The following ADGRV1 variants were observed in gnomAD, a reference collection of about 807,000 sequenced individuals.
ADGRV1 encodes G-protein coupled receptor 98.
Under a neutral mutation model 596.2 loss-of-function variants are expected in ADGRV1, and 359 were observed. That is an observed-to-expected ratio of 0.60 (90% CI 0.55 to 0.66). The LOEUF (loss-of-function observed/expected upper bound fraction) is 0.66. ADGRV1 is among the 30% of genes least tolerant of loss of function. ADGRV1 has a pLI of 0.00. For missense variants in ADGRV1, 7,274 were observed against 7,575.6 expected (o/e 0.96, Z 1.48); for synonymous variants, 2,681 against 2,679.2 (o/e 1.00, Z -0.02).
chr5:90,828,883 C>G, intron 76 of ADGRV1, 61 bp from the exon 77 acceptor site: 1 of 1,090,156 alleles, frequency 9.2e-7, no homozygotes, highest in Non-Finnish European at 1.2e-6. Context: ...AATATCAGAA[C>G]TATCTACAGA....
chr5:90,973,286 G>T (rs1309303752), intron 84 of ADGRV1, among the ~76,000 whole-genome samples: 3 of 152,124 alleles, frequency 2.0e-5, no homozygotes, highest in Non-Finnish European at 2.9e-5. Context: ...AGGAGGAGCT[G>T]GTACCATTCC....
intron 85 of ADGRV1, among the ~76,000 whole-genome samples, chr5:91,060,209 GT>G (rs1787279662): frequency 2.0e-5 from 3 of 151,836 alleles, no homozygotes; most frequent in Admixed American, 2.0e-4. Flanking sequence ...CGGGGCAGCA[GT>G]TTTGGTTCTT....
intron 1 of ADGRV1, among the ~76,000 whole-genome samples, chr5:90,610,321 T>C (rs16868831): frequency 0.012 from 1,881 of 152,020 alleles, 34 homozygotes; most frequent in African/African-American, 0.043. Flanking sequence ...ACAGGAACAA[T>C]AAAGCATCGT....
intron 87 of ADGRV1, among the ~76,000 whole-genome samples, chr5:91,119,406 G>A (rs936657975): frequency 2.0e-5 from 3 of 152,142 alleles, no homozygotes; most frequent in African/African-American, 7.2e-5. Context: ...TGCAGTCCAC[G>A]GGAGTCTTAC....
chr5:91,011,133 T>C (rs1285862384), intron 85 of ADGRV1, among the ~76,000 whole-genome samples: 4 of 151,952 alleles, frequency 2.6e-5, no homozygotes, highest in Non-Finnish European at 5.9e-5. Flanking sequence ...TTTGTATGAT[T>C]GTCTTCATCA....
Position 91,072,457 on chromosome 5 carries a change from C to A in ADGRV1, c.18163C>A (p.Pro6055Thr), listed in dbSNP as rs754053726. The A allele has an allele frequency of 1.2e-6, 2 of 1,613,584 alleles. No individual in the cohort carries two copies. The highest frequency in any genetic ancestry group is 2.2e-5 in the East Asian group (1 of 44,872). Residue 6055 changes from proline to threonine, a missense_variant, in exon 86 of 90, where the codon CCA becomes ACA. By Grantham distance (38) the Pro-to-Thr change is conservative. Transcript: ENST00000405460. Reference protein sequence around the residue: ...GLIHGDLCFIPNVYAALFTAA... With the variant: ...GLIHGDLCFITNVYAALFTAA... ...TCATTTCTCTTCCAGGTGTTTTATT[C>A]CAAACGTCTATGCTGCTTTGTTCAC...
chr5:90,818,684 TG>T (rs1350632272), intron 75 of ADGRV1, among the ~76,000 whole-genome samples: 1 of 149,666 alleles, frequency 6.7e-6, no homozygotes, highest in African/African-American at 2.4e-5. Flanking sequence ...ATGTGGTTTT[TG>T]TCTTTGGCTC....
At chr5:90,724,113 A>G (rs537449172) in intron 45 of ADGRV1, among the ~76,000 whole-genome samples, 6 of 152,182 alleles carry the variant, frequency 3.9e-5, no homozygotes, top group Admixed American at 6.5e-5. Context: ...ACCAAATATC[A>G]TATTTCTATA....
intron 49 of ADGRV1, among the ~76,000 whole-genome samples, chr5:90,729,319 A>G (rs1252009717): frequency 2.0e-5 from 3 of 152,180 alleles, no homozygotes; most frequent in Admixed American, 1.3e-4. Flanking sequence ...CTTTCAGAAT[A>G]TTCTTGGAAG....
chr5:91,095,258 G>T (rs1335934603), intron 86 of ADGRV1, among the ~76,000 whole-genome samples: 1 of 151,788 alleles, frequency 6.6e-6, no homozygotes, highest in African/African-American at 2.4e-5. Flanking sequence ...CTGGAGTGCA[G>T]TGGCACAGTC....
intron 28 of ADGRV1, 60 bp downstream of exon 28, chr5:90,684,255 T>C (rs1200017505): frequency 7.2e-7 from 1 of 1,394,560 alleles, no homozygotes; most frequent in Non-Finnish European, 9.5e-7. Context: ...AAACAATCAG[T>C]TTTAAATTTT....
chr5:90,982,502 A>G (rs1780159386), intron 84 of ADGRV1, among the ~76,000 whole-genome samples: 1 of 152,216 alleles, frequency 6.6e-6, no homozygotes, highest in Non-Finnish European at 1.5e-5. Context: ...AAGAAAAACT[A>G]AGTTAACTAA....
intron 83 of ADGRV1, among the ~76,000 whole-genome samples, chr5:90,886,895 C>T (rs1419327424): frequency 4.6e-5 from 7 of 152,122 alleles, no homozygotes; most frequent in Non-Finnish European, 4.4e-5. Flanking sequence ...GCCATGAGTT[C>T]ATCTCCTTTT....
At chr5:91,159,330 T>C (rs996027568) in intron 89 of ADGRV1, among the ~76,000 whole-genome samples, 5 of 152,194 alleles carry the variant, frequency 3.3e-5, no homozygotes, top group Non-Finnish European at 7.4e-5. Context: ...AATTCTGATG[T>C]GGGCAAGACA....
intron 85 of ADGRV1, among the ~76,000 whole-genome samples, chr5:91,056,858 G>A (rs946714901): frequency 6.6e-6 from 1 of 152,222 alleles, no homozygotes; most frequent in African/African-American, 2.4e-5. Context: ...TTTTGAACTA[G>A]AATAAGAAAA....
At chr5:90,691,750 T>A (rs894092471) in intron 31 of ADGRV1, among the ~76,000 whole-genome samples, 20 of 152,148 alleles carry the variant, frequency 1.3e-4, no homozygotes, top group Admixed American at 1.0e-3. Flanking sequence ...CCAGTCAATC[T>A]TAAGTATTAT....
intron 87 of ADGRV1, among the ~76,000 whole-genome samples, chr5:91,144,637 A>G (rs1795380448): frequency 6.6e-6 from 1 of 152,220 alleles, no homozygotes; most frequent in African/African-American, 2.4e-5. Flanking sequence ...ATTTTTTATG[A>G]TTATAGTAGG....
chr5:90,635,631 C>T (rs1000210176), intron 10 of ADGRV1, among the ~76,000 whole-genome samples: 2 of 150,998 alleles, frequency 1.3e-5, no homozygotes. Flanking sequence ...TTTACTCTGT[C>T]GCCCAGGCTG....
At chr5:90,685,626 AT>A (rs1265983404) in intron 28 of ADGRV1, among the ~76,000 whole-genome samples, 153 bp from the exon 29 acceptor site, 1 of 149,506 alleles carries the variant, frequency 6.7e-6, no homozygotes, top group Non-Finnish European at 1.5e-5. Context: ...AAATAAATAA[AT>A]AAATAAATAA....
Sources: gnomAD v4.1 joint callset for allele counts (sites outside exome capture counted in the v4.1 genomes callset) on GRCh38, gnomAD v4.1.1 for gene constraint, MANE v1.5 for transcripts, NCBI Gene and HGNC (gene_info 2026-07-23, HGNC 2026-07-21) for gene names.